Variants in MECOM observed in about 807,000 individuals in gnomAD.
MECOM encodes histone-lysine N-methyltransferase MECOM.
In MECOM, 13 loss-of-function variants were observed where a neutral mutation model predicts 116.3. The observed-to-expected ratio is 0.11, with a 90% confidence interval of 0.07 to 0.18. The LOEUF (loss-of-function observed/expected upper bound fraction) is 0.18. MECOM is among the 10% of genes least tolerant of loss of function. MECOM has a pLI of 1.00. For missense variants in MECOM, 1,299 were observed against 1,509.0 expected, an observed-to-expected ratio of 0.86 and a Z score of 2.31; for synonymous variants, 528 against 535.2, an observed-to-expected ratio of 0.99 and a Z score of 0.19.
intron 1 of MECOM, among the ~76,000 whole-genome samples, chr3:169,432,388 C>A (rs1741793279): frequency 6.6e-6 from 1 of 152,120 alleles, no homozygotes; most frequent in Non-Finnish European, 1.5e-5. Context: ...GAACTCCTGA[C>A]CCCAGATGAT....
intron 1 of MECOM, among the ~76,000 whole-genome samples, chr3:169,560,980 T>C (rs1560433669): frequency 6.6e-6 from 1 of 151,652 alleles, no homozygotes; most frequent in Admixed American, 6.6e-5. Flanking sequence ...ATAAGAAAAA[T>C]ATAAATATCT....
chr3:169,513,395 G>A (rs779133886), intron 1 of MECOM, among the ~76,000 whole-genome samples: 3 of 152,164 alleles, frequency 2.0e-5, no homozygotes, highest in African/African-American at 4.8e-5. Flanking sequence ...AAAATCCCTG[G>A]GTGTTATAGT....
chr3:169,428,550 G>T (rs1046672306), intron 1 of MECOM, among the ~76,000 whole-genome samples: 1 of 152,184 alleles, frequency 6.6e-6, no homozygotes, highest in Non-Finnish European at 1.5e-5. Context: ...GGTACTGCAG[G>T]ATTGCAGACC....
chr3:169,205,210 A>AC (rs1307122814), intron 2 of MECOM, among the ~76,000 whole-genome samples: 11 of 151,684 alleles, frequency 7.3e-5, no homozygotes, highest in African/African-American at 2.7e-4. Context: ...TGAGTTATAA[A>AC]CCCCTCAAAA....
chr3:169,198,269 T>A (rs1229783723), intron 2 of MECOM, among the ~76,000 whole-genome samples: 1 of 152,080 alleles, frequency 6.6e-6, no homozygotes, highest in African/African-American at 2.4e-5. Context: ...AGGTTTTATT[T>A]TTGAAGAAAA....
At chr3:169,429,026 C>T (rs1383891262) in intron 1 of MECOM, among the ~76,000 whole-genome samples, 1 of 152,138 alleles carries the variant, frequency 6.6e-6, no homozygotes, top group Non-Finnish European at 1.5e-5. Context: ...CAAAGAGCCA[C>T]AGGAACAATA....
At chr3:169,251,058 C>T (rs1756188342) in intron 2 of MECOM, among the ~76,000 whole-genome samples, 1 of 152,122 alleles carries the variant, frequency 6.6e-6, no homozygotes, top group Admixed American at 6.5e-5. Context: ...AAGTGTAAAA[C>T]AAGAATACAG....
intron 2 of MECOM, among the ~76,000 whole-genome samples, chr3:169,247,023 G>T (rs1471062170): frequency 6.6e-6 from 1 of 151,932 alleles, no homozygotes; most frequent in African/African-American, 2.4e-5. Flanking sequence ...TTTTTTTAAG[G>T]TATAGACCAT....
rs547975416 is a variant in MECOM, at chr3:169,144,395, C to T, written c.376-563G>A. Among the ~76,000 whole-genome samples, 408 of 152,094 alleles carry T rather than the reference C, an allele frequency of 2.7e-3. 2 individuals carry two copies. The highest frequency in any genetic ancestry group is 9.6e-3 in the African/African-American group (398 of 41,492). Reference sequence around the variant, plus strand: ...GAAAAACAAATTAAAATAATGAATTCGGAAACACTCATGCAAAGTATGGCA... The same window carrying T: ...GAAAAACAAATTAAAATAATGAATTTGGAAACACTCATGCAAAGTATGGCA... On this transcript the variant is annotated intron_variant, in intron 2 of 16. Coordinates refer to ENST00000651503, the MANE Select transcript of MECOM (RefSeq NM_004991.4).
At chr3:169,171,078 T>C (rs1426665836) in intron 2 of MECOM, among the ~76,000 whole-genome samples, 1 of 152,250 alleles carries the variant, frequency 6.6e-6, no homozygotes, top group African/African-American at 2.4e-5. Context: ...ATTATTAGCA[T>C]TATTTTAAGA....
intron 1 of MECOM, among the ~76,000 whole-genome samples, chr3:169,634,267 C>T (rs773767990): frequency 6.6e-6 from 1 of 151,986 alleles, no homozygotes; most frequent in South Asian, 2.1e-4. Context: ...CACACACACA[C>T]ACCTCTTTGC....
At chr3:169,098,914 A>G (rs1205198299) in intron 12 of MECOM, among the ~76,000 whole-genome samples, 1 of 152,268 alleles carries the variant, frequency 6.6e-6, no homozygotes, top group East Asian at 1.9e-4. Flanking sequence ...CCTATTGTTA[A>G]TATGTTTCAG....
Position 169,131,578 on chromosome 3 carries a change from G to A in MECOM, c.511-47C>T, listed in dbSNP as rs190147119. ...GGATGGAATCAGGAAAGAGAGAGAT[G>A]TATATATATTAACAAAGGGCAAGAT... On this transcript the variant is annotated intron_variant, in intron 3 of 16. Coordinates refer to ENST00000651503, the MANE Select transcript of MECOM (RefSeq NM_004991.4). 2.1e-5 allele frequency: 30 copies of A among 1,456,424 alleles called. No individual in the cohort carries two copies. In the Admixed American group the frequency reaches 3.2e-4, roughly 16 times the overall value. The allele number at this position is 1,456,424 out of a possible 1,614,324, so 90.2% of individuals were successfully genotyped here.
intron 2 of MECOM, among the ~76,000 whole-genome samples, chr3:169,156,384 T>A (rs1741993898): frequency 6.6e-6 from 1 of 152,242 alleles, no homozygotes; most frequent in South Asian, 2.1e-4. Context: ...TATATTACTT[T>A]GTTTCAGAAA....
chr3:169,437,332 A>G (rs1216639736), intron 1 of MECOM, among the ~76,000 whole-genome samples: 1 of 152,224 alleles, frequency 6.6e-6, no homozygotes, highest in Non-Finnish European at 1.5e-5. Flanking sequence ...AATCTATTAA[A>G]TTGGGTCTCA....
chr3:169,361,124 G>A (rs371830745), intron 2 of MECOM, among the ~76,000 whole-genome samples: 2 of 151,758 alleles, frequency 1.3e-5, no homozygotes, highest in South Asian at 2.1e-4. Context: ...GAAGGAGAAC[G>A]CTTTATGAAG....
At chr3:169,131,371 T>A in intron 4 of MECOM, 58 bp downstream of exon 4, 1 of 1,388,288 alleles carries the variant, frequency 7.2e-7, no homozygotes, top group South Asian at 1.2e-5. Flanking sequence ...ATGCTTTCGA[T>A]GCTACTTTAT....
chr3:169,301,557 C>A (rs1440541008), intron 2 of MECOM, among the ~76,000 whole-genome samples: 1 of 152,064 alleles, frequency 6.6e-6, no homozygotes, highest in Non-Finnish European at 1.5e-5. Context: ...GTGAATGAGA[C>A]CCTGAAATTT....
At chr3:169,169,972 T>G (rs796597385) in intron 2 of MECOM, among the ~76,000 whole-genome samples, 1 of 152,164 alleles carries the variant, frequency 6.6e-6, no homozygotes, top group Admixed American at 6.5e-5. Flanking sequence ...TAGTTCCTAC[T>G]GGAAATGAAA....
Sources: allele counts gnomAD v4.1 joint callset (sites outside exome capture counted in the v4.1 genomes callset), GRCh38; gene constraint gnomAD v4.1.1; transcripts MANE v1.5; gene names NCBI Gene and HGNC (gene_info 2026-07-23, HGNC 2026-07-21).